EDIL3: variants seen among roughly 807,000 people sequenced by gnomAD.
EDIL3 encodes the protein EGF-like repeat and discoidin I-like domain-containing protein 3.
EDIL3 carries 37 observed loss-of-function variants against 67.4 expected under a neutral mutation model. That is an observed-to-expected ratio of 0.55 (90% CI 0.42 to 0.72). EDIL3 has a LOEUF of 0.72. Among genes scored for constraint, EDIL3 ranks in the 30% least tolerant of loss-of-function variants. EDIL3 has a pLI of 0.00. For missense variants in EDIL3, 527 were observed against 586.3 expected (o/e 0.90, Z 1.04); for synonymous variants, 195 against 196.3 (o/e 0.99, Z 0.05).
chr5:84,135,766 A>C (rs527734439), intron 5 of EDIL3, among the ~76,000 whole-genome samples: 86 of 151,872 alleles, frequency 5.7e-4, no homozygotes, highest in Non-Finnish European at 5.1e-4. Flanking sequence ...TGTGCCCTGC[A>C]CCTTTCTTCA....
chr5:83,951,051 C>T (rs1309381400), intron 10 of EDIL3, among the ~76,000 whole-genome samples: 1 of 151,674 alleles, frequency 6.6e-6, no homozygotes, highest in Non-Finnish European at 1.5e-5. Flanking sequence ...CTTTGCTTCC[C>T]AAGATTTCTC....
At position 83,943,034 on chromosome 5, in the gene EDIL3, G is replaced by T; in HGVS notation, c.*385C>A. 1 of 211,382 alleles carries T rather than the reference G, an allele frequency of 4.7e-6. No homozygotes were observed. The highest frequency in any genetic ancestry group is 9.6e-6 in the Non-Finnish European group (1 of 104,058). The allele number at this position is 211,382 out of a possible 1,614,324, so 13.1% of individuals were successfully genotyped here. A position where few individuals can be genotyped will look rare whatever the true frequency, so the allele number is the denominator to read the frequency against. On this transcript the variant is annotated 3_prime_UTR_variant, in exon 11 of 11. Coordinates refer to ENST00000296591, the MANE Select transcript of EDIL3 (RefSeq NM_005711.5). ...TATTCCTTTTATCAGAATTAGGTGA[G>T]TATTGATTGTAAAAGCTCTATCAAC...
At chr5:84,085,155 C>T (rs1274822003) in intron 6 of EDIL3, among the ~76,000 whole-genome samples, 1 of 152,136 alleles carries the variant, frequency 6.6e-6, no homozygotes, top group Non-Finnish European at 1.5e-5. Context: ...TTGTTATTAC[C>T]TACCTTCTGA....
intron 9 of EDIL3, among the ~76,000 whole-genome samples, chr5:83,990,805 G>A (rs1255630579): frequency 1.3e-5 from 2 of 151,696 alleles, no homozygotes; most frequent in African/African-American, 2.4e-5. Context: ...GCTTGAACCC[G>A]AGAGGTGGAG....
intron 1 of EDIL3, among the ~76,000 whole-genome samples, chr5:84,324,709 A>T (rs376105852): frequency 6.6e-6 from 1 of 151,888 alleles, no homozygotes; most frequent in Non-Finnish European, 1.5e-5. Flanking sequence ...TATTAAAATC[A>T]GAAATCAGAG....
At chr5:84,220,582 AT>A in intron 3 of EDIL3, among the ~76,000 whole-genome samples, 1 of 152,310 alleles carries the variant, frequency 6.6e-6, no homozygotes, top group African/African-American at 2.4e-5. Flanking sequence ...ATGATTTCCA[AT>A]TGATGATTGG....
At chr5:84,230,382 G>C (rs1228524162) in intron 2 of EDIL3, among the ~76,000 whole-genome samples, 5 of 151,840 alleles carry the variant, frequency 3.3e-5, no homozygotes, top group Non-Finnish European at 7.4e-5. Context: ...TTAAACTTCA[G>C]GGTGACTCAA....
intron 6 of EDIL3, among the ~76,000 whole-genome samples, chr5:84,094,267 C>T (rs1366617): frequency 0.37 from 56,361 of 151,862 alleles, 10,745 homozygotes; most frequent in Non-Finnish European, 0.41. Context: ...AAATAGAAAT[C>T]ATAATTTTCC....
chr5:84,070,701 C>G (rs1464097935), intron 6 of EDIL3, among the ~76,000 whole-genome samples: 1 of 150,640 alleles, frequency 6.6e-6, no homozygotes, highest in East Asian at 2.0e-4. Flanking sequence ...GGGTTCTTGA[C>G]AAGACAGCAA....
At position 84,207,585 on chromosome 5, in the gene EDIL3, C is replaced by G. The variant is rs545342286; in HGVS notation, c.226+22270G>C. On this transcript the variant is annotated intron_variant, in intron 3 of 10. Transcript: ENST00000296591. ...TGGAACCAAAAAAGAGCCCGCATCG[C>G]CAAGTCAATCCTAAGCCAAAAGAAC... is the stretch of plus-strand genomic sequence containing the variant. Among the ~76,000 whole-genome samples, 19 of 151,364 alleles carry G rather than the reference C, an allele frequency of 1.3e-4. No individual in the cohort carries two copies. The East Asian group carries it at 3.7e-3, about 30-fold the overall frequency.
At chr5:84,123,710 T>C (rs1055804923) in intron 5 of EDIL3, among the ~76,000 whole-genome samples, 4 of 151,816 alleles carry the variant, frequency 2.6e-5, no homozygotes, top group Non-Finnish European at 5.9e-5. Flanking sequence ...GGTAGAATAC[T>C]AAAAAAACAT....
chr5:84,115,610 A>C (rs1374454460), intron 5 of EDIL3, among the ~76,000 whole-genome samples: 1 of 152,228 alleles, frequency 6.6e-6, no homozygotes, highest in East Asian at 1.9e-4. Flanking sequence ...GTTCTGCTGT[A>C]GGACAACAGA....
intron 9 of EDIL3, among the ~76,000 whole-genome samples, chr5:84,028,298 T>C (rs1725388473): frequency 6.6e-6 from 1 of 152,170 alleles, no homozygotes; most frequent in East Asian, 1.9e-4. Context: ...ATTCTTCACA[T>C]AGTAGCCAGA....
intron 6 of EDIL3, among the ~76,000 whole-genome samples, chr5:84,067,320 T>G (rs1746662118): frequency 6.6e-6 from 1 of 152,190 alleles, no homozygotes; most frequent in Admixed American, 6.5e-5. Context: ...AAATTGTTAA[T>G]ATTCTTCTCA....
chr5:84,076,882 T>C (rs1055950941), intron 6 of EDIL3, among the ~76,000 whole-genome samples: 2 of 152,164 alleles, frequency 1.3e-5, no homozygotes, highest in Non-Finnish European at 2.9e-5. Context: ...AAAGGAGTTG[T>C]TTACCTTGAA....
intron 9 of EDIL3, among the ~76,000 whole-genome samples, chr5:84,002,040 A>G (rs1745340336): frequency 6.6e-6 from 1 of 152,140 alleles, no homozygotes; most frequent in Non-Finnish European, 1.5e-5. Context: ...TTCAAAAAAT[A>G]TTAGCAAAAT....
intron 5 of EDIL3, among the ~76,000 whole-genome samples, chr5:84,116,688 G>A (rs1400025380): frequency 2.0e-5 from 3 of 152,128 alleles, no homozygotes; most frequent in African/African-American, 4.8e-5. Context: ...ATTTACAGTG[G>A]CTTTGGTAAT....
intron 2 of EDIL3, among the ~76,000 whole-genome samples, chr5:84,253,101 A>AT (rs1745056229): frequency 6.6e-6 from 1 of 152,118 alleles, no homozygotes; most frequent in South Asian, 2.1e-4. Context: ...TAGTTACTGG[A>AT]TTTTTACTAT....
At chr5:84,004,897 A>C (rs147208185) in intron 9 of EDIL3, among the ~76,000 whole-genome samples, 1 of 152,198 alleles carries the variant, frequency 6.6e-6, no homozygotes, top group African/African-American at 2.4e-5. Flanking sequence ...TAAATTCAAA[A>C]GTTTGTTGCT....
Sources: allele counts gnomAD v4.1 joint callset (sites outside exome capture counted in the v4.1 genomes callset), GRCh38; gene constraint gnomAD v4.1.1; transcripts MANE v1.5; gene names NCBI Gene and HGNC (gene_info 2026-07-23, HGNC 2026-07-21).